HS6ST3: variants seen among roughly 807,000 people sequenced by gnomAD.
The protein encoded by HS6ST3 is heparan-sulfate 6-O-sulfotransferase 3.
A neutral mutation model predicts 36.7 loss-of-function variants in HS6ST3; 12 were observed. That is an observed-to-expected ratio of 0.33 (90% CI 0.21 to 0.53). HS6ST3 has a LOEUF of 0.53. HS6ST3 is among the 20% of genes least tolerant of loss of function. The pLI is 0.95. For missense variants in HS6ST3, 584 were observed against 640.9 expected (o/e 0.91, Z 0.96); for synonymous variants, 240 against 257.5 (o/e 0.93, Z 0.65).
At chr13:96,586,559 G>A (rs754605462) in intron 1 of HS6ST3, among the ~76,000 whole-genome samples, 1 of 151,700 alleles carries the variant, frequency 6.6e-6, no homozygotes, top group Non-Finnish European at 1.5e-5. Flanking sequence ...GCCTCCCAAA[G>A]TGCTATGATT....
At chr13:96,751,993 C>G (rs374015072) in intron 1 of HS6ST3, among the ~76,000 whole-genome samples, 1 of 152,094 alleles carries the variant, frequency 6.6e-6, no homozygotes, top group South Asian at 2.1e-4. Flanking sequence ...ATTACTAATA[C>G]TGATGAAGCT....
intron 1 of HS6ST3, among the ~76,000 whole-genome samples, chr13:96,411,933 A>G (rs921199240): frequency 1.3e-5 from 2 of 152,184 alleles, no homozygotes; most frequent in African/African-American, 4.8e-5. Context: ...TACAAACAGG[A>G]AATTAGAAGG....
Position 96,091,384 on chromosome 13 carries a change from T to G in HS6ST3, c.522T>G (p.Pro174=), listed in dbSNP as rs1048284075. The G allele has an allele frequency of 1.1e-5, 17 of 1,613,788 alleles. No individual in the cohort carries two copies. In the Admixed American group the frequency reaches 2.3e-4, roughly 22 times the overall value. ...HLVKNIRLEQ[P]CSCKAGQKKC... Reference sequence around the variant, plus strand: ...TGAAGAACATCCGGCTGGAGCAGCCTTGTAGCTGCAAAGCGGGTCAGAAGA... The same window carrying G: ...TGAAGAACATCCGGCTGGAGCAGCCGTGTAGCTGCAAAGCGGGTCAGAAGA... Residue 174 remains proline (P), a synonymous_variant, in exon 1 of 2, where the codon CCT becomes CCG. Coordinates refer to ENST00000376705, the MANE Select transcript of HS6ST3 (RefSeq NM_153456.4).
At position 96,756,147 on chromosome 13, in the gene HS6ST3, C is replaced by T. The variant is rs1876825810; in HGVS notation, c.708-76343C>T. Among the ~76,000 whole-genome samples the T allele has an allele frequency of 2.0e-5, 3 of 152,252 alleles. No homozygotes were observed. In the South Asian group the frequency reaches 6.2e-4, roughly 32 times the overall value. ...CTCTTCTTGGCCGATTGAGTATCTT[C>T]TTTTGTGACGTGTCTGTTCAAATCT... On this transcript the variant is annotated intron_variant, in intron 1 of 1. Coordinates refer to ENST00000376705, the MANE Select transcript of HS6ST3 (RefSeq NM_153456.4).
At chr13:96,358,958 A>G (rs528525827) in intron 1 of HS6ST3, among the ~76,000 whole-genome samples, 1 of 152,236 alleles carries the variant, frequency 6.6e-6, no homozygotes, top group Non-Finnish European at 1.5e-5. Context: ...CAAAATAATA[A>G]TTGATTAATC....
At chr13:96,147,145 C>T (rs980235232) in intron 1 of HS6ST3, among the ~76,000 whole-genome samples, 1 of 152,188 alleles carries the variant, frequency 6.6e-6, no homozygotes, top group African/African-American at 2.4e-5. Flanking sequence ...TTTTGTTATT[C>T]TTGATAGTGA....
rs1594702172 is a variant in HS6ST3 at position 96,168,987 on chromosome 13, T to C, written c.707+77418T>C. On this transcript the variant is annotated intron_variant, in intron 1 of 1. Coordinates refer to ENST00000376705, the MANE Select transcript of HS6ST3 (RefSeq NM_153456.4). ...TATTATTAGCCGATCTGATTATTGC[T>C]CTCCACCCCATCCCCTTTCTCAGAG... is the stretch of plus-strand genomic sequence containing the variant. 3.3e-5 allele frequency among the ~76,000 whole-genome samples: 5 copies of C among 152,238 alleles called. No homozygotes were observed. In the South Asian group the frequency reaches 8.3e-4, roughly 25 times the overall value.
At chr13:96,666,822 A>T (rs2056665715) in intron 1 of HS6ST3, among the ~76,000 whole-genome samples, 1 of 152,080 alleles carries the variant, frequency 6.6e-6, no homozygotes, top group Admixed American at 6.6e-5. Flanking sequence ...CAGGTATTGC[A>T]CCTTGTTTTC....
intron 1 of HS6ST3, among the ~76,000 whole-genome samples, chr13:96,547,224 T>C (rs1387633314): frequency 6.6e-6 from 1 of 152,180 alleles, no homozygotes; most frequent in Non-Finnish European, 1.5e-5. Context: ...AACAATTAGA[T>C]AGTGCAGGGC....
chr13:96,680,841 T>C (rs766577700), intron 1 of HS6ST3, among the ~76,000 whole-genome samples: 1 of 152,208 alleles, frequency 6.6e-6, no homozygotes, highest in Non-Finnish European at 1.5e-5. Flanking sequence ...GTCAAAAATA[T>C]TGGGGAGGCA....
chr13:96,274,477 G>A (rs2054737737), intron 1 of HS6ST3, among the ~76,000 whole-genome samples: 2 of 152,144 alleles, frequency 1.3e-5, no homozygotes, highest in African/African-American at 4.8e-5. Context: ...TACTCCATGT[G>A]TGTCTATAAT....
chr13:96,587,726 A>C (rs940685433), intron 1 of HS6ST3, among the ~76,000 whole-genome samples: 1 of 152,218 alleles, frequency 6.6e-6, no homozygotes, highest in Non-Finnish European at 1.5e-5. Context: ...ATGAGGGTGG[A>C]TCCCTAATGA....
At chr13:96,730,486 A>G (rs1250067577) in intron 1 of HS6ST3, among the ~76,000 whole-genome samples, 1 of 152,094 alleles carries the variant, frequency 6.6e-6, no homozygotes, top group Non-Finnish European at 1.5e-5. Context: ...TGCCTCTCTC[A>G]TTCCTACCCT....
chr13:96,184,080 A>G (rs1025754862), intron 1 of HS6ST3, among the ~76,000 whole-genome samples: 2 of 151,276 alleles, frequency 1.3e-5, no homozygotes, highest in Non-Finnish European at 2.9e-5. Flanking sequence ...GCATGCCTGT[A>G]GTCTCAGCTA....
rs1282420461 is a variant in HS6ST3, at chr13:96,113,593, T to A, written c.707+22024T>A. ...AATAACATAGCTTACACTTACTAAA[T>A]GAGTAAACATTAAAAAGCATAGATA... On this transcript the variant is annotated intron_variant, in intron 1 of 1. Transcript: ENST00000376705. Among the ~76,000 whole-genome samples the A allele has an allele frequency of 2.0e-5, 3 of 152,268 alleles. No individual in the cohort carries two copies. The East Asian group carries it at 5.8e-4, about 29-fold the overall frequency.
At chr13:96,738,767 T>C (rs997531527) in intron 1 of HS6ST3, among the ~76,000 whole-genome samples, 3 of 152,322 alleles carry the variant, frequency 2.0e-5, no homozygotes, top group Non-Finnish European at 4.4e-5. Context: ...AATGAGATCA[T>C]TACTATCAGC....
intron 1 of HS6ST3, among the ~76,000 whole-genome samples, chr13:96,486,802 A>C (rs559173568): frequency 7.0e-4 from 107 of 152,290 alleles, no homozygotes; most frequent in African/African-American, 2.5e-3. Context: ...GGGGAGCCTG[A>C]AATGAGAACA....
chr13:96,556,555 A>G (rs1371461951), intron 1 of HS6ST3, among the ~76,000 whole-genome samples: 4 of 152,208 alleles, frequency 2.6e-5, no homozygotes, highest in Non-Finnish European at 5.9e-5. Flanking sequence ...GCCAGAACTC[A>G]TGATGTTTAC....
intron 1 of HS6ST3, among the ~76,000 whole-genome samples, chr13:96,186,523 A>G (rs1398296936): frequency 6.6e-6 from 1 of 152,216 alleles, no homozygotes; most frequent in East Asian, 1.9e-4. Context: ...ATGTGATTCA[A>G]AGTAATGTGT....
Sources: gnomAD v4.1 joint callset for allele counts (sites outside exome capture counted in the v4.1 genomes callset) on GRCh38, gnomAD v4.1.1 for gene constraint, MANE v1.5 for transcripts, NCBI Gene and HGNC (gene_info 2026-07-23, HGNC 2026-07-21) for gene names.